Variants in PCDH7 observed in about 807,000 individuals in gnomAD.
The protein encoded by PCDH7 is protocadherin-7.
A neutral mutation model predicts 58.9 loss-of-function variants in PCDH7; 17 were observed. That is an observed-to-expected ratio of 0.29 (90% CI 0.20 to 0.43). The LOEUF (loss-of-function observed/expected upper bound fraction) is 0.43, where lower values mean the gene tolerates loss of function less well. Ranked by LOEUF, PCDH7 falls within the 20% of genes least tolerant of loss-of-function variation. PCDH7 has a pLI of 1.00. For missense variants in PCDH7, 1,274 were observed against 1,441.0 expected (o/e 0.88, Z 1.88); for synonymous variants, 664 against 616.4 (o/e 1.08, Z -1.14).
chr4:31,106,972 AC>A (rs1715652880), intron 3 of PCDH7, among the ~76,000 whole-genome samples: 1 of 152,164 alleles, frequency 6.6e-6, no homozygotes, highest in Non-Finnish European at 1.5e-5. Context: ...TCTCTATCCT[AC>A]TCATACTAAT....
chr4:30,935,260 C>A, intron 2 of PCDH7: 1 of 711,310 alleles, frequency 1.4e-6, no homozygotes, highest in Non-Finnish European at 1.7e-6. Context: ...TTAAATCAGA[C>A]TTGCAATGTT....
At chr4:30,741,908 G>A (rs1717134894) in intron 1 of PCDH7, among the ~76,000 whole-genome samples, 1 of 152,182 alleles carries the variant, frequency 6.6e-6, no homozygotes, top group Non-Finnish European at 1.5e-5. Context: ...AAGAAGAAAA[G>A]ATTGAGGATG....
At chr4:30,985,060 G>A (rs530596848) in intron 3 of PCDH7, among the ~76,000 whole-genome samples, 67 of 152,188 alleles carry the variant, frequency 4.4e-4, no homozygotes, top group Middle Eastern at 3.4e-3. Flanking sequence ...TCCGCCTCGC[G>A]GGTTCAAATG....
intron 3 of PCDH7, among the ~76,000 whole-genome samples, chr4:30,966,881 T>A (rs898786069): frequency 7.9e-5 from 12 of 152,112 alleles, no homozygotes; most frequent in Admixed American, 1.3e-4. Context: ...AAGAAGAGCA[T>A]CAAAATGGAA....
intron 3 of PCDH7, among the ~76,000 whole-genome samples, chr4:31,053,504 G>T (rs1056195118): frequency 2.6e-5 from 4 of 152,132 alleles, no homozygotes; most frequent in African/African-American, 9.7e-5. Flanking sequence ...GGAAGCCAAG[G>T]TGGGAGGATC....
chr4:30,877,941 G>T (rs918329242), intron 1 of PCDH7, among the ~76,000 whole-genome samples: 1 of 151,984 alleles, frequency 6.6e-6, no homozygotes, highest in Non-Finnish European at 1.5e-5. Context: ...ATTTTATTTT[G>T]TTTATAGCAA....
At chr4:30,739,971 C>T (rs766099834) in intron 1 of PCDH7, among the ~76,000 whole-genome samples, 26 of 152,132 alleles carry the variant, frequency 1.7e-4, no homozygotes, top group Non-Finnish European at 3.7e-4. Flanking sequence ...ATATTTTAGG[C>T]ACTGGTCAAC....
At chr4:31,068,559 A>G (rs1423399412) in intron 3 of PCDH7, among the ~76,000 whole-genome samples, 1 of 151,912 alleles carries the variant, frequency 6.6e-6, no homozygotes, top group East Asian at 1.9e-4. Flanking sequence ...CTGCAGAGTA[A>G]ATTGCTGTGG....
intron 2 of PCDH7, among the ~76,000 whole-genome samples, chr4:30,929,865 T>C (rs1744345035): frequency 6.6e-6 from 1 of 152,178 alleles, no homozygotes; most frequent in South Asian, 2.1e-4. Flanking sequence ...TGAGGCCACA[T>C]TTCACCAAGG....
chr4:30,928,362 T>C (rs989044139), intron 2 of PCDH7, among the ~76,000 whole-genome samples: 2 of 152,222 alleles, frequency 1.3e-5, no homozygotes, highest in African/African-American at 4.8e-5. Flanking sequence ...ATTTTTTGCT[T>C]TGCTAATAAA....
At chr4:30,808,599 A>C (rs766978793) in intron 1 of PCDH7, among the ~76,000 whole-genome samples, 6 of 152,056 alleles carry the variant, frequency 3.9e-5, no homozygotes, top group African/African-American at 1.4e-4. Context: ...ATAAGCAATT[A>C]CTTTTTTTTG....
chr4:31,098,191 T>A (rs1038340654), intron 3 of PCDH7, among the ~76,000 whole-genome samples: 1 of 152,186 alleles, frequency 6.6e-6, no homozygotes, highest in African/African-American at 2.4e-5. Flanking sequence ...CAGGCCAGGG[T>A]CACTAGTTAA....
chr4:31,120,349 T>C (rs1717510867), intron 3 of PCDH7, among the ~76,000 whole-genome samples: 1 of 151,712 alleles, frequency 6.6e-6, no homozygotes, highest in African/African-American at 2.4e-5. Context: ...CTTTTTTCCA[T>C]TCCTTTCCTC....
At chr4:31,063,679 A>C (rs1384216173) in intron 3 of PCDH7, among the ~76,000 whole-genome samples, 1 of 151,928 alleles carries the variant, frequency 6.6e-6, no homozygotes, top group South Asian at 2.1e-4. Context: ...TGTCTTCTTT[A>C]TAATAAGGGA....
chr4:30,760,964 A>G (rs1245197655), intron 1 of PCDH7, among the ~76,000 whole-genome samples: 1 of 152,162 alleles, frequency 6.6e-6, no homozygotes, highest in African/African-American at 2.4e-5. Flanking sequence ...GCTTCCATTC[A>G]ACTTGAAAAA....
chr4:30,933,822 T>C (rs961202675), intron 2 of PCDH7, among the ~76,000 whole-genome samples: 2 of 152,222 alleles, frequency 1.3e-5, no homozygotes, highest in East Asian at 3.8e-4. Context: ...CTCATAATTC[T>C]CAGGTAATTC....
At chr4:30,854,685 A>C (rs2109349269) in intron 1 of PCDH7, among the ~76,000 whole-genome samples, 1 of 152,136 alleles carries the variant, frequency 6.6e-6, no homozygotes, top group Non-Finnish European at 1.5e-5. Flanking sequence ...CAGCAAAAGC[A>C]AAACTACCAG....
intron 3 of PCDH7, among the ~76,000 whole-genome samples, chr4:31,039,241 C>T (rs570414396): frequency 6.6e-6 from 1 of 152,304 alleles, no homozygotes; most frequent in South Asian, 2.1e-4. Context: ...ATTTGAATGT[C>T]CATCTCAACT....
chr4:30,779,333 CATTTCTGAAATTAT>C (rs1722493776), intron 1 of PCDH7, among the ~76,000 whole-genome samples: 1 of 151,984 alleles, frequency 6.6e-6, no homozygotes, highest in Non-Finnish European at 1.5e-5. Flanking sequence ...CCCCTGGTCT[CATTTCTGAAATTAT>C]ATTTCTACAT....
Sources: allele counts gnomAD v4.1 joint callset (sites outside exome capture counted in the v4.1 genomes callset), GRCh38; gene constraint gnomAD v4.1.1; transcripts MANE v1.5; gene names NCBI Gene and HGNC (gene_info 2026-07-23, HGNC 2026-07-21).